Variants in CFAP54 observed in about 807,000 individuals in gnomAD.
CFAP54 encodes the protein cilia- and flagella-associated protein 54.
CFAP54 carries 290 observed loss-of-function variants against 370.4 expected under a neutral mutation model. The observed-to-expected ratio is 0.78, with a 90% CI of 0.71 to 0.86. CFAP54 has a LOEUF of 0.86. Ranked by LOEUF, CFAP54 falls within the 40% of genes least tolerant of loss-of-function variation. CFAP54 has a pLI of 0.00. For missense variants in CFAP54, 3,399 were observed against 3,528.7 expected (o/e 0.96, Z 0.93); for synonymous variants, 1,206 against 1,236.5 (o/e 0.98, Z 0.52).
intron 32 of CFAP54, among the ~76,000 whole-genome samples, chr12:96,638,206 T>TATATGC (rs869108031): frequency 2.6e-5 from 1 of 37,992 alleles, no homozygotes; most frequent in Non-Finnish European, 5.4e-5. Flanking sequence ...TATATATGCA[T>TATATGC]GTGTGTGTGT....
intron 1 of CFAP54, among the ~76,000 whole-genome samples, chr12:96,491,706 G>T (rs2136339493): frequency 6.6e-6 from 1 of 152,324 alleles, no homozygotes; most frequent in East Asian, 1.9e-4. Flanking sequence ...GGCCAAGTAA[G>T]ATGAGAACCA....
At chr12:96,849,822 A>G (rs982654680) in intron 66 of CFAP54, among the ~76,000 whole-genome samples, 1 of 152,094 alleles carries the variant, frequency 6.6e-6, no homozygotes, top group African/African-American at 2.4e-5. Context: ...AGACAAAATC[A>G]TCACCATTTC....
chr12:96,753,339 G>T (rs773626935), intron 55 of CFAP54, among the ~76,000 whole-genome samples: 3 of 152,096 alleles, frequency 2.0e-5, no homozygotes, highest in Non-Finnish European at 4.4e-5. Flanking sequence ...ATGCTTAATA[G>T]AAAGAAAATT....
intron 63 of CFAP54, among the ~76,000 whole-genome samples, chr12:96,799,610 C>A (rs1958801787): frequency 6.6e-6 from 1 of 152,172 alleles, no homozygotes; most frequent in African/African-American, 2.4e-5. Context: ...AATTCTCTTC[C>A]TATCCAGATA....
intron 5 of CFAP54, among the ~76,000 whole-genome samples, chr12:96,516,177 A>G (rs1427938577): frequency 1.3e-5 from 2 of 151,990 alleles, no homozygotes; most frequent in African/African-American, 4.8e-5. Context: ...GGCCTCCCAA[A>G]GTGCTGGGAT....
rs776496299 is a variant in CFAP54 at position 96,716,502 on chromosome 12, A to G, written c.6725-1941A>G. On this transcript the variant is annotated intron_variant, in intron 48 of 67. Transcript: ENST00000524981. ...CTTGCTCCTAGCAGTTCTGTTTCCC[A>G]TTTGAGTTTCCTCTTCTTGCCTACT... Among the ~76,000 whole-genome samples the G allele has an allele frequency of 1.1e-3, 161 of 152,310 alleles. 3 individuals are homozygous for G. The highest frequency in any genetic ancestry group is 2.5e-4 in the Non-Finnish European group (17 of 68,030).
At chr12:96,778,562 A>G (rs556078377) in intron 60 of CFAP54, among the ~76,000 whole-genome samples, 2 of 152,236 alleles carry the variant, frequency 1.3e-5, no homozygotes, top group African/African-American at 2.4e-5. Context: ...TTCTCTATAC[A>G]TTCTACTTGA....
At chr12:96,538,861 C>T (rs1955538119) in intron 13 of CFAP54, among the ~76,000 whole-genome samples, 1 of 151,616 alleles carries the variant, frequency 6.6e-6, no homozygotes, top group South Asian at 2.1e-4. Flanking sequence ...AAGTGATCCT[C>T]CACAGCTCAG....
intron 13 of CFAP54, 68 bp downstream of exon 13, chr12:96,538,586 TC>T (rs1311759681): frequency 6.8e-7 from 1 of 1,476,264 alleles, no homozygotes; most frequent in East Asian, 2.5e-5. Flanking sequence ...CACACACATT[TC>T]AAATCTAAAT....
chr12:96,601,002 T>C (rs1173434108), intron 26 of CFAP54, among the ~76,000 whole-genome samples: 2 of 152,206 alleles, frequency 1.3e-5, no homozygotes, highest in African/African-American at 2.4e-5. Context: ...CTATGTTGAA[T>C]AGGAGTGGTG....
intron 62 of CFAP54, 21 bp from the exon 63 acceptor site, chr12:96,792,308 A>C (rs1729824638): frequency 6.8e-7 from 1 of 1,466,590 alleles, no homozygotes. Flanking sequence ...AATTAAACTG[A>C]TGTTTTTGTT....
At chr12:96,749,317 A>G (rs1958156641) in intron 55 of CFAP54, among the ~76,000 whole-genome samples, 1 of 152,250 alleles carries the variant, frequency 6.6e-6, no homozygotes, top group African/African-American at 2.4e-5. Flanking sequence ...TTACAAGGAC[A>G]GTAATCTCAT....
chr12:96,608,032 A>G (rs1231332015), intron 26 of CFAP54, among the ~76,000 whole-genome samples: 1 of 152,198 alleles, frequency 6.6e-6, no homozygotes, highest in African/African-American at 2.4e-5. Context: ...CAGAACAGAA[A>G]TCCCAAGACA....
At chr12:96,798,384 T>C (rs1958788108) in intron 63 of CFAP54, among the ~76,000 whole-genome samples, 1 of 152,172 alleles carries the variant, frequency 6.6e-6, no homozygotes, top group South Asian at 2.1e-4. Flanking sequence ...ATGGGGTAGA[T>C]AATTTAAGGT....
intron 17 of CFAP54, among the ~76,000 whole-genome samples, chr12:96,560,982 T>C (rs1955808362): frequency 6.6e-6 from 1 of 152,236 alleles, no homozygotes; most frequent in Non-Finnish European, 1.5e-5. Flanking sequence ...TTTTAATTTT[T>C]TGAGTAACAC....
At chr12:96,587,059 A>G (rs1956081562) in intron 22 of CFAP54, among the ~76,000 whole-genome samples, 1 of 152,182 alleles carries the variant, frequency 6.6e-6, no homozygotes, top group African/African-American at 2.4e-5. Context: ...AATTGAAAGG[A>G]CAGAGTTGAC....
chr12:96,536,762 G>A (rs562023530), intron 12 of CFAP54, among the ~76,000 whole-genome samples: 1 of 151,848 alleles, frequency 6.6e-6, no homozygotes, highest in African/African-American at 2.4e-5. Context: ...GAGTAGCTGG[G>A]ATTACAGGCA....
chr12:96,615,962 T>A (rs969905285), intron 26 of CFAP54, among the ~76,000 whole-genome samples: 126 of 152,368 alleles, frequency 8.3e-4, no homozygotes, highest in Non-Finnish European at 1.3e-3. Context: ...TGGCGATTCC[T>A]CAGGGATCTA....
chr12:96,803,045 T>C (rs1364512870), intron 63 of CFAP54, among the ~76,000 whole-genome samples: 1 of 152,192 alleles, frequency 6.6e-6, no homozygotes, highest in Non-Finnish European at 1.5e-5. Context: ...CCATGGTGTA[T>C]ATGTGCCACA....
Sources: allele counts gnomAD v4.1 joint callset (sites outside exome capture counted in the v4.1 genomes callset), GRCh38; gene constraint gnomAD v4.1.1; transcripts MANE v1.5; gene names NCBI Gene and HGNC (gene_info 2026-07-23, HGNC 2026-07-21).